Variants in ZNF615 observed in about 807,000 individuals in gnomAD.
ZNF615 encodes zinc finger protein 615.
A neutral mutation model predicts 15.3 loss-of-function variants in ZNF615; 15 were observed. That is an observed-to-expected ratio of 0.98 (90% CI 0.66 to 1.51). The LOEUF (loss-of-function observed/expected upper bound fraction) is 1.51. ZNF615 is among the 40% of genes most tolerant of loss of function. The probability of loss-of-function intolerance (pLI) is 0.00; values close to 1 mark genes in which losing one functional copy is unlikely to be tolerated. For missense variants in ZNF615, 848 were observed against 895.9 expected (o/e 0.95, Z 0.68); for synonymous variants, 268 against 294.6 (o/e 0.91, Z 0.92).
chr19:52,008,107 G>GT, intron 1 of ZNF615, 34 bp downstream of exon 1: 1 of 1,532,204 alleles, frequency 6.5e-7, no homozygotes, highest in Non-Finnish European at 8.7e-7. Context: ...TTCCTCCCCC[G>GT]TCACCACAGC....
chr19:51,999,749 C>T (rs2086537944), intron 6 of ZNF615, among the ~76,000 whole-genome samples: 1 of 152,146 alleles, frequency 6.6e-6, no homozygotes, highest in Admixed American at 6.5e-5. Flanking sequence ...TAATTTGCAG[C>T]AGGCATAAAT....
At position 52,001,824 on chromosome 19, in the gene ZNF615, C is replaced by T. The variant is rs187580863; in HGVS notation, c.227G>A (p.Arg76Gln). The part of the protein sequence containing the change: ...TCTTEDEIYS[R>Q]ICSDSGGASG... ...CTCCTCTCACTCACCAGAACAGATT[C>T]GAGAGTAGATTTCATCTTCTGTTGT... The change falls in exon 5 of 7, where the codon CGA (arginine) becomes CAA (glutamine). Residue 76 changes from arginine (R) to glutamine (Q), a missense_variant. Physicochemically the swap from Arg to Gln is conservative, Grantham distance 43 (BLOSUM62 1). Coordinates refer to ENST00000598071, the MANE Select transcript of ZNF615 (RefSeq NM_001199324.2). 91 of 1,613,938 alleles carry T rather than the reference C, an allele frequency of 5.6e-5. No individual in the cohort carries two copies. The highest frequency in any genetic ancestry group is 5.5e-4 in the African/African-American group (41 of 74,996).
At position 51,994,210 on chromosome 19, in the gene ZNF615, G is replaced by A. The variant is rs772201495; in HGVS notation, c.899C>T (p.Thr300Ile). The A allele has an allele frequency of 1.4e-5, 23 of 1,613,942 alleles. No individual in the cohort carries two copies. In the South Asian group the frequency reaches 2.5e-4, roughly 18 times the overall value. The part of the protein sequence containing the change: ...QKTHMGGKPY[T>I]CSQCGKAFIK... ...GAAGGCTTTCCCACATTGGCTACAT[G>A]TGTAAGGTTTCCCTCCCATATGAGT... The change falls in exon 7 of 7, where the codon ACA (threonine) becomes ATA (isoleucine). Residue 300 changes from threonine (T) to isoleucine (I), a missense_variant. Physicochemically the swap from Thr to Ile is moderately conservative, Grantham distance 89. Transcript: ENST00000598071.
Position 52,003,803 on chromosome 19 carries a change from T to C in ZNF615, c.-92A>G. ...CTAAATTTCGGTTCAAAAACTTCAA[T>C]CTCCAATCAAGGATGTCCCCAGAAA... On this transcript the variant is annotated 5_prime_UTR_variant, in exon 3 of 7. Transcript: ENST00000598071. 1.3e-6 allele frequency: 2 copies of C among 1,583,906 alleles called. No homozygotes were observed. Among genetic ancestry groups the C allele is most frequent in the Non-Finnish European group, 1.7e-6 (2 of 1,167,298 alleles).
In ZNF615 at chr19:51,994,465, T is replaced by C. The variant is rs560260465; in HGVS notation, c.644A>G (p.His215Arg). ...QQRTHNIENA[H>R]VCSECGKAFL... is the part of the protein sequence containing the mutation. Reference sequence around the variant, plus strand: ...GGCTTTCCCACATTCACTGCATACATGGGCATTCTCTATGTTGTGAGTTCT... The same window carrying C: ...GGCTTTCCCACATTCACTGCATACACGGGCATTCTCTATGTTGTGAGTTCT... Residue 215 changes from histidine to arginine, a missense_variant, in exon 7 of 7, where the codon CAT becomes CGT. Transcript: ENST00000598071. The C allele has an allele frequency of 1.9e-6, 3 of 1,614,196 alleles. No individual in the cohort carries two copies. In the South Asian group the frequency reaches 3.3e-5, roughly 18 times the overall value.
intron 3 of ZNF615, among the ~76,000 whole-genome samples, chr19:52,002,793 A>G (rs1001250272): frequency 1.3e-5 from 2 of 151,832 alleles, no homozygotes; most frequent in African/African-American, 4.8e-5. Context: ...AAGCACAAAG[A>G]TTATTAGATG....
intron 1 of ZNF615, among the ~76,000 whole-genome samples, chr19:52,007,621 A>T (rs887357003): frequency 3.3e-5 from 5 of 152,208 alleles, no homozygotes; most frequent in African/African-American, 1.2e-4. Flanking sequence ...CCAGGCCTCC[A>T]GAGCTGCAGC....
At chr19:52,002,972 G>A (rs574831174) in intron 3 of ZNF615, among the ~76,000 whole-genome samples, 24 of 151,902 alleles carry the variant, frequency 1.6e-4, no homozygotes, top group African/African-American at 5.3e-4. Flanking sequence ...GATTACAGGC[G>A]CACGCCACCA....
intron 6 of ZNF615, among the ~76,000 whole-genome samples, chr19:51,997,040 T>C (rs140797395): frequency 1.2e-4 from 18 of 152,326 alleles, no homozygotes; most frequent in African/African-American, 3.1e-4. Flanking sequence ...AATCATGTCC[T>C]GGTGTGGTGG....
intron 1 of ZNF615, chr19:52,007,830 A>C: frequency 2.7e-6 from 1 of 365,306 alleles, no homozygotes; most frequent in Non-Finnish European, 5.0e-6. Context: ...GACAACACCA[A>C]AGACACCAGA....
intron 3 of ZNF615, among the ~76,000 whole-genome samples, chr19:52,003,255 C>G (rs2086656767): frequency 6.6e-6 from 1 of 152,076 alleles, no homozygotes; most frequent in Admixed American, 6.6e-5. Flanking sequence ...AATGAAGAAA[C>G]AGCTAAAAGA....
At chr19:51,999,874 A>G (rs1038525721) in intron 6 of ZNF615, among the ~76,000 whole-genome samples, 1 of 152,260 alleles carries the variant, frequency 6.6e-6, no homozygotes, top group African/African-American at 2.4e-5. Context: ...GAAAACACTT[A>G]AGGTAATGCC....
At chr19:52,001,473 CT>C (rs1568503570) in intron 5 of ZNF615, among the ~76,000 whole-genome samples, 1 of 152,006 alleles carries the variant, frequency 6.6e-6, no homozygotes, top group Non-Finnish European at 1.5e-5. Flanking sequence ...CAAAAATTAG[CT>C]GGGCGTGGTG....
chr19:52,004,126 GAA>G (rs898060213), intron 2 of ZNF615, among the ~76,000 whole-genome samples: 2 of 152,164 alleles, frequency 1.3e-5, no homozygotes, highest in African/African-American at 4.8e-5. Flanking sequence ...GCTAGTAAGT[GAA>G]AGAGAATGTG....
intron 6 of ZNF615, among the ~76,000 whole-genome samples, chr19:51,998,540 G>T (rs1285237443): frequency 1.3e-5 from 2 of 152,134 alleles, no homozygotes; most frequent in African/African-American, 4.8e-5. Context: ...GCTTATTACT[G>T]GTTATATGGT....
intron 1 of ZNF615, chr19:52,007,885 C>T (rs2086799812): frequency 2.2e-6 from 1 of 461,932 alleles, no homozygotes; most frequent in African/African-American, 2.0e-5. Flanking sequence ...GATCTTTAAC[C>T]ACAAACTACA....
Position 52,008,184 on chromosome 19 carries a change from C to G in ZNF615, c.-271G>C. 1.3e-6 allele frequency: 2 copies of G among 1,535,348 alleles called. No homozygotes were observed. The highest frequency in any genetic ancestry group is 1.7e-6 in the Non-Finnish European group (2 of 1,146,648). On this transcript the variant is annotated 5_prime_UTR_variant, in exon 1 of 7. Coordinates refer to ENST00000598071, the MANE Select transcript of ZNF615 (RefSeq NM_001199324.2). ...CTCCGGCCTCATCTCTCGGCCTCCT[C>G]AGTGCCTGACGGCGACTATCCAGGG...
chr19:51,993,135 T>G lies in ZNF615; in HGVS notation c.1974A>C (p.Thr658=). The G allele has an allele frequency of 6.2e-7, 1 of 1,614,250 alleles. No individual in the cohort carries two copies. The highest frequency in any genetic ancestry group is 1.6e-4 in the Middle Eastern group (1 of 6,062). Residue 658 remains threonine, a synonymous_variant, in exon 7 of 7, where the codon ACA becomes ACC. Transcript: ENST00000598071. ...CAGTACATGCAAAGGAAGTCTTTCC[T>G]GTGTGAAATCGCTGATGTTGTATGA... ...TCLIQHQRFH[T]GKTSFACTEC... is the part of the protein sequence containing the mutation.
At position 51,994,180 on chromosome 19, in the gene ZNF615, TTGA is replaced by T. The variant is rs775441541; in HGVS notation, c.926_928del (p.Ile309del). The stretch of plus-strand genomic sequence containing the variant: ...TTGATGATAAATGAGCCGACACTTC[TTGA>T]TGAAGGCTTTCCCACATTGGCTACA... On this transcript the variant is annotated inframe_deletion, in exon 7 of 7. Coordinates refer to ENST00000598071, the MANE Select transcript of ZNF615 (RefSeq NM_001199324.2). 1 of 1,613,994 alleles carries T rather than the reference TTGA, an allele frequency of 6.2e-7. No individual in the cohort carries two copies. The highest frequency in any genetic ancestry group is 8.5e-7 in the Non-Finnish European group (1 of 1,180,028).
Sources: gnomAD v4.1 joint callset for allele counts (sites outside exome capture counted in the v4.1 genomes callset) on GRCh38, gnomAD v4.1.1 for gene constraint, MANE v1.5 for transcripts, NCBI Gene and HGNC (gene_info 2026-07-23, HGNC 2026-07-21) for gene names.